MMP24: variants seen among roughly 807,000 people sequenced by gnomAD.
The protein encoded by MMP24 is matrix metalloproteinase-24.
Under a neutral mutation model 62.8 loss-of-function variants are expected in MMP24, and 25 were observed. The observed-to-expected ratio is 0.40, with a 90% CI of 0.29 to 0.56. MMP24 has a LOEUF of 0.56. MMP24 is among the 20% of genes least tolerant of loss of function. The pLI is 0.50. For synonymous variants in MMP24, 319 were observed against 350.5 expected (o/e 0.91, Z 1.00); for missense variants, 634 against 853.6 (o/e 0.74, Z 3.21).
chr20:35,256,714 CAAAAAAAA>C (rs74173944), intron 4 of MMP24, among the ~76,000 whole-genome samples: 3 of 39,720 alleles, frequency 7.6e-5, no homozygotes, highest in Admixed American at 3.8e-4. Flanking sequence ...GATTCCGTCT[CAAAAAAAA>C]AAAAAAAAAA....
chr20:35,247,680 C>T (rs537300437), intron 2 of MMP24, among the ~76,000 whole-genome samples: 6 of 152,272 alleles, frequency 3.9e-5, no homozygotes, highest in South Asian at 4.1e-4. Context: ...AGAAGCCTGA[C>T]GTGATGATGT....
chr20:35,242,597 TTCC>T (rs1281667205), intron 1 of MMP24, among the ~76,000 whole-genome samples: 2 of 152,316 alleles, frequency 1.3e-5, no homozygotes, highest in African/African-American at 4.8e-5. Context: ...GGAAAACATT[TTCC>T]TCAAGCTAAA....
At chr20:35,253,269 A>ATTTTTTTTTT (rs2060557038) in intron 3 of MMP24, among the ~76,000 whole-genome samples, 1 of 62,530 alleles carries the variant, frequency 1.6e-5, no homozygotes, top group African/African-American at 1.3e-4. Context: ...ACAGAACGGG[A>ATTTTTTTTTT]CTTTTTTTTT....
intron 3 of MMP24, among the ~76,000 whole-genome samples, chr20:35,252,353 G>A (rs1390690190): frequency 2.0e-5 from 3 of 152,132 alleles, no homozygotes; most frequent in Admixed American, 6.5e-5. Flanking sequence ...AAAAAGAATC[G>A]TGGCTTGCAG....
At position 35,268,798 on chromosome 20, in the gene MMP24, A is replaced by C. The variant is rs370165421; in HGVS notation, c.1195-962A>C. Among the ~76,000 whole-genome samples the C allele has an allele frequency of 2.9e-3, 431 of 150,368 alleles. 13 individuals are homozygous for C. Among genetic ancestry groups the C allele is most frequent in the African/African-American group, 8.7e-3 (353 of 40,736 alleles). ...ATCCCAACACTTTGGGAGGCCAAGG[A>C]GGGCGGATCATAAGGTCAGGAGATC... On this transcript the variant is annotated intron_variant, in intron 6 of 8. Transcript: ENST00000246186.
At chr20:35,229,522 A>T (rs1293936067) in intron 1 of MMP24, among the ~76,000 whole-genome samples, 1 of 152,230 alleles carries the variant, frequency 6.6e-6, no homozygotes, top group Non-Finnish European at 1.5e-5. Context: ...TAGACAAATT[A>T]TATCCACTGC....
intron 2 of MMP24, among the ~76,000 whole-genome samples, chr20:35,249,967 C>T (rs1268833372): frequency 6.6e-6 from 1 of 151,694 alleles, no homozygotes; most frequent in Non-Finnish European, 1.5e-5. Context: ...ATTTATTTAT[C>T]TATTTATTGA....
At chr20:35,262,136 T>G (rs976698125) in intron 4 of MMP24, among the ~76,000 whole-genome samples, 1 of 151,996 alleles carries the variant, frequency 6.6e-6, no homozygotes, top group East Asian at 1.9e-4. Context: ...TAGGGGTGGG[T>G]TGCCCCTCCA....
At chr20:35,238,015 T>C (rs2060471947) in intron 1 of MMP24, among the ~76,000 whole-genome samples, 1 of 152,318 alleles carries the variant, frequency 6.6e-6, no homozygotes, top group African/African-American at 2.4e-5. Flanking sequence ...TAGGCCACCA[T>C]TCATGCCTGC....
chr20:35,272,422 G>A (rs936150978), intron 8 of MMP24, among the ~76,000 whole-genome samples: 1 of 152,040 alleles, frequency 6.6e-6, no homozygotes, highest in Non-Finnish European at 1.5e-5. Context: ...TTTTTTTGTA[G>A]CAACAGGGTT....
chr20:35,270,758 G>A (rs949019557), intron 7 of MMP24, among the ~76,000 whole-genome samples: 8 of 152,182 alleles, frequency 5.3e-5, no homozygotes, highest in Non-Finnish European at 1.0e-4. Flanking sequence ...CTGAATACTC[G>A]GCCAGGCGCA....
intron 1 of MMP24, 23 bp from the exon 2 acceptor site, chr20:35,246,817 T>G (rs1339052385): frequency 6.2e-7 from 1 of 1,612,962 alleles, no homozygotes; most frequent in Admixed American, 1.7e-5. Context: ...ATAACGCATC[T>G]TTTTCTTTCC....
intron 1 of MMP24, among the ~76,000 whole-genome samples, chr20:35,241,268 G>T (rs1236536225): frequency 6.6e-6 from 1 of 152,168 alleles, no homozygotes; most frequent in East Asian, 1.9e-4. Context: ...AATTAGAATT[G>T]TCCGACCCCG....
intron 1 of MMP24, among the ~76,000 whole-genome samples, chr20:35,230,791 C>T (rs1474829120): frequency 2.0e-5 from 3 of 152,134 alleles, no homozygotes; most frequent in Non-Finnish European, 2.9e-5. Flanking sequence ...GTAGATGATT[C>T]GGAACTACTG....
chr20:35,274,154 C>A lies in MMP24; in HGVS notation c.1601-118C>A. ...CTCAGCCAAGCACTGCACCCCAAAC[C>A]TCCAGGTGTGCCCACCTTGCCTCCC... On this transcript the variant is annotated intron_variant, in intron 8 of 8. Transcript: ENST00000246186. This position sits in a 1 kb window ranked among gnomAD's most constrained non-coding sequence, Gnocchi z 5.1. The A allele has an allele frequency of 9.9e-7, 1 of 1,014,750 alleles. No homozygotes were observed. Among genetic ancestry groups the A allele is most frequent in the Non-Finnish European group, 1.4e-6 (1 of 692,158 alleles). The allele number at this position is 1,014,750 out of a possible 1,614,324, so 62.9% of individuals were successfully genotyped here.
chr20:35,268,877 A>T (rs2060651150), intron 6 of MMP24, among the ~76,000 whole-genome samples: 1 of 152,036 alleles, frequency 6.6e-6, no homozygotes, highest in Non-Finnish European at 1.5e-5. Context: ...AATATAAAAA[A>T]TTAGCCGGGT....
In MMP24 at chr20:35,271,537, G is replaced by A; in HGVS notation, c.1334-32G>A. The A allele has an allele frequency of 6.2e-7, 1 of 1,600,600 alleles. No homozygotes were observed. Among genetic ancestry groups the A allele is most frequent in the South Asian group, 1.1e-5 (1 of 89,172 alleles). On this transcript the variant is annotated intron_variant, in intron 7 of 8. Coordinates refer to ENST00000246186, the MANE Select transcript of MMP24 (RefSeq NM_006690.4). The surrounding 1 kb of genome is among the most constrained non-coding windows in gnomAD (Gnocchi z 4.0). ...TGGGCAAACGGCACTGAGTGACTGG[G>A]GAAGCTGATCCTGGGCTCCTCTTGG...
intron 1 of MMP24, among the ~76,000 whole-genome samples, chr20:35,240,832 A>G (rs1486164425): frequency 2.6e-5 from 4 of 152,198 alleles, no homozygotes; most frequent in African/African-American, 9.6e-5. Flanking sequence ...ACTGTGCTAA[A>G]TACTATAACA....
intron 2 of MMP24, among the ~76,000 whole-genome samples, 151 bp downstream of exon 2, chr20:35,247,139 G>A (rs1347364862): frequency 6.6e-6 from 1 of 152,182 alleles, no homozygotes; most frequent in Non-Finnish European, 1.5e-5. Flanking sequence ...CTCGATGTGA[G>A]TTGGGGGTGT....
Sources: gnomAD v4.1 joint callset for allele counts (sites outside exome capture counted in the v4.1 genomes callset) on GRCh38, gnomAD v4.1.1 for gene constraint, Gnocchi (gnomAD v3.1) non-coding constraint, MANE v1.5 for transcripts, NCBI Gene and HGNC (gene_info 2026-07-23, HGNC 2026-07-21) for gene names.